The following ATP11A variants were observed in gnomAD, a reference collection of about 807,000 sequenced individuals.
ATP11A encodes ATPase phospholipid transporting 11A.
In ATP11A, 81 loss-of-function variants were observed where a neutral mutation model predicts 154.4. The ratio of observed to expected loss-of-function variants is 0.52; its 90% CI spans 0.44 to 0.63. The LOEUF (loss-of-function observed/expected upper bound fraction) is 0.63. ATP11A is among the 30% of genes least tolerant of loss of function. The pLI is 0.00. For missense variants in ATP11A, 1,316 were observed against 1,474.3 expected (o/e 0.89, Z 1.76); for synonymous variants, 623 against 585.9 (o/e 1.06, Z -0.91).
At chr13:112,824,629 G>T (rs114368945) in intron 10 of ATP11A, among the ~76,000 whole-genome samples, 1 of 152,106 alleles carries the variant, frequency 6.6e-6, no homozygotes, top group Non-Finnish European at 1.5e-5. Flanking sequence ...TCTTTCTAAC[G>T]CCTGATACCA....
At chr13:112,827,951 A>G (rs1014357754) in intron 12 of ATP11A, among the ~76,000 whole-genome samples, 3 of 152,246 alleles carry the variant, frequency 2.0e-5, no homozygotes, top group Admixed American at 6.5e-5. Flanking sequence ...TAGTTGTTCA[A>G]TAGTCAGGTA....
chr13:112,691,621 C>G (rs1362993718), intron 1 of ATP11A, among the ~76,000 whole-genome samples: 1 of 151,940 alleles, frequency 6.6e-6, no homozygotes, highest in Non-Finnish European at 1.5e-5. Flanking sequence ...TTCGAGAAGT[C>G]GCATGCACCG....
At chr13:112,787,079 AC>A (rs1280904935) in intron 2 of ATP11A, among the ~76,000 whole-genome samples, 1 of 123,334 alleles carries the variant, frequency 8.1e-6, no homozygotes, top group African/African-American at 3.3e-5. Context: ...TGATGCGTAG[AC>A]CCCTGTGGAG....
At chr13:112,874,583 G>A (rs921551844) in intron 27 of ATP11A, among the ~76,000 whole-genome samples, 1 of 152,148 alleles carries the variant, frequency 6.6e-6, no homozygotes, top group Non-Finnish European at 1.5e-5. Flanking sequence ...GTCAGTAGCC[G>A]GCCTAGGGAA....
At chr13:112,820,012 C>T in intron 8 of ATP11A, 62 bp downstream of exon 8, 21 of 1,462,384 alleles carry the variant, frequency 1.4e-5, no homozygotes, top group Non-Finnish European at 1.9e-5. Context: ...GAAATGCATT[C>T]TTTGACGGAC....
chr13:112,802,021 A>T (rs2078146739), intron 2 of ATP11A, among the ~76,000 whole-genome samples: 1 of 152,210 alleles, frequency 6.6e-6, no homozygotes, highest in South Asian at 2.1e-4. Flanking sequence ...AAACTACGGT[A>T]ATCAAGACAG....
intron 12 of ATP11A, among the ~76,000 whole-genome samples, chr13:112,827,773 A>C (rs2078970500): frequency 6.6e-6 from 1 of 152,168 alleles, no homozygotes; most frequent in Non-Finnish European, 1.5e-5. Context: ...ATAGACTTAG[A>C]CTCTGGCAGA....
chr13:112,727,664 G>A lies in ATP11A; in HGVS notation c.39+37209G>A, dbSNP rs758417453. Reference sequence around the variant, plus strand: ...AGGCTCCACACACCATGCAGGGCCCGCACAGGCCCCATTTGGCAGGCAGAG... The same window carrying A: ...AGGCTCCACACACCATGCAGGGCCCACACAGGCCCCATTTGGCAGGCAGAG... On this transcript the variant is annotated intron_variant, in intron 1 of 29. Transcript: ENST00000375645. Among the ~76,000 whole-genome samples the A allele has an allele frequency of 1.6e-4, 24 of 152,310 alleles. 1 individual carries two copies. In the East Asian group the frequency reaches 3.5e-3, roughly 22 times the overall value.
At chr13:112,714,888 A>T (rs957857671) in intron 1 of ATP11A, among the ~76,000 whole-genome samples, 2 of 152,172 alleles carry the variant, frequency 1.3e-5, no homozygotes, top group African/African-American at 4.8e-5. Context: ...CCCCCGCAGA[A>T]CTTCCGCTTC....
intron 5 of ATP11A, chr13:112,811,662 A>G (rs1290385677): frequency 6.6e-6 from 1 of 152,108 alleles, no homozygotes; most frequent in Non-Finnish European, 1.5e-5. Flanking sequence ...CTGGAGTGCA[A>G]TAGCATAACC....
At chr13:112,735,105 C>T (rs1469055373) in intron 1 of ATP11A, among the ~76,000 whole-genome samples, 1 of 152,106 alleles carries the variant, frequency 6.6e-6, no homozygotes, top group African/African-American at 2.4e-5. Flanking sequence ...CATTTTCTGG[C>T]AGTGAAGGTA....
intron 1 of ATP11A, among the ~76,000 whole-genome samples, chr13:112,744,502 T>C (rs2139769925): frequency 6.6e-6 from 1 of 152,332 alleles, no homozygotes; most frequent in South Asian, 2.1e-4. Context: ...ATCTTCACAT[T>C]TGGTGACTCT....
At chr13:112,862,745 G>T (rs1249822968) in intron 25 of ATP11A, among the ~76,000 whole-genome samples, 170 bp downstream of exon 25, 1 of 141,822 alleles carries the variant, frequency 7.1e-6, no homozygotes, top group Non-Finnish European at 1.5e-5. Flanking sequence ...TCCCAGCGGG[G>T]TCCATCACCA....
At chr13:112,868,804 G>C (rs945976) in intron 25 of ATP11A, among the ~76,000 whole-genome samples, 60,846 of 151,792 alleles carry the variant, frequency 0.4, 12,363 homozygotes, top group Middle Eastern at 0.46. Context: ...GTTTAATCGA[G>C]CCACAGTTCT....
At position 112,832,738 on chromosome 13, in the gene ATP11A, G is replaced by A. The variant is rs537892584; in HGVS notation, c.1396-122G>A. On this transcript the variant is annotated intron_variant, in intron 13 of 29. Transcript: ENST00000375645. ...CTGTATAACCCCTCACCGCCCACAA[G>A]CTGCCTTCGTGGCCGCGGGGACCCC... 4.9e-5 allele frequency: 54 copies of A among 1,111,596 alleles called. No homozygotes were observed. In the South Asian group the frequency reaches 5.6e-4, roughly 12 times the overall value. 68.9% of individuals were successfully genotyped at this position (1,111,596 alleles called of 1,614,324 possible). A position where few individuals can be genotyped will look rare whatever the true frequency, so the allele number is the denominator to read the frequency against.
At chr13:112,752,583 C>T (rs1451659429) in intron 1 of ATP11A, among the ~76,000 whole-genome samples, 3 of 152,180 alleles carry the variant, frequency 2.0e-5, no homozygotes, top group African/African-American at 4.8e-5. Flanking sequence ...GTCCGTCTGA[C>T]GGGTTGTGTA....
intron 25 of ATP11A, among the ~76,000 whole-genome samples, chr13:112,870,794 C>T (rs1022825681): frequency 6.6e-6 from 1 of 152,372 alleles, no homozygotes; most frequent in Middle Eastern, 3.4e-3. Flanking sequence ...CAGGTTCTCC[C>T]GAAACAAGTT....
intron 15 of ATP11A, among the ~76,000 whole-genome samples, chr13:112,835,481 TCC>T (rs1298319493): frequency 1.3e-5 from 2 of 152,184 alleles, no homozygotes; most frequent in Non-Finnish European, 2.9e-5. Flanking sequence ...ACCCTGGGCT[TCC>T]CGGGGGCCGC....
At chr13:112,793,273 C>G (rs571713855) in intron 2 of ATP11A, among the ~76,000 whole-genome samples, 27 of 152,192 alleles carry the variant, frequency 1.8e-4, no homozygotes, top group Non-Finnish European at 1.6e-4. Context: ...GCGATCCTGG[C>G]TCACTGCAAC....
Sources: allele counts gnomAD v4.1 joint callset (sites outside exome capture counted in the v4.1 genomes callset), GRCh38; gene constraint gnomAD v4.1.1; transcripts MANE v1.5; gene names NCBI Gene and HGNC (gene_info 2026-07-23, HGNC 2026-07-21).